The following ARHGAP15 variants were observed in gnomAD, a reference collection of about 807,000 sequenced individuals.
The protein encoded by ARHGAP15 is Rho GTPase activating protein 15.
Under a neutral mutation model 63.7 loss-of-function variants are expected in ARHGAP15, and 51 were observed. That is an observed-to-expected ratio of 0.80 (90% CI 0.64 to 1.01). The LOEUF (loss-of-function observed/expected upper bound fraction) is 1.01, where lower values mean the gene tolerates loss of function less well. Among genes scored for constraint, ARHGAP15 ranks in the 50% least tolerant of loss-of-function variants. The probability of loss-of-function intolerance (pLI) is 0.00; values close to 1 mark genes in which losing one functional copy is unlikely to be tolerated. For synonymous variants in ARHGAP15, 191 were observed against 193.8 expected (o/e 0.99, Z 0.12); for missense variants, 560 against 564.6 (o/e 0.99, Z 0.08).
intron 6 of ARHGAP15, among the ~76,000 whole-genome samples, chr2:143,296,105 C>G (rs1205039766): frequency 6.6e-6 from 1 of 152,022 alleles, no homozygotes; most frequent in Non-Finnish European, 1.5e-5. Flanking sequence ...CATCCCTGCT[C>G]TCTCATGCAG....
At chr2:143,471,349 G>A (rs1260661677) in intron 8 of ARHGAP15, among the ~76,000 whole-genome samples, 8 of 150,924 alleles carry the variant, frequency 5.3e-5, no homozygotes, top group Non-Finnish European at 1.5e-5. Flanking sequence ...GATTATCTGG[G>A]ACCAGAGTCT....
chr2:143,661,740 G>A (rs572908949), intron 12 of ARHGAP15, among the ~76,000 whole-genome samples: 1 of 152,332 alleles, frequency 6.6e-6, no homozygotes, highest in South Asian at 2.1e-4. Flanking sequence ...GCCGAAGCAG[G>A]GTGAGGCATT....
At chr2:143,320,180 T>C (rs1215057037) in intron 6 of ARHGAP15, among the ~76,000 whole-genome samples, 3 of 152,168 alleles carry the variant, frequency 2.0e-5, no homozygotes, top group Admixed American at 6.5e-5. Flanking sequence ...ATAAACTACA[T>C]GACCTGATTA....
At chr2:143,467,242 C>CTTTTTTTTTTTTTTTTTTTTTTTTTCT (rs202115707) in intron 8 of ARHGAP15, among the ~76,000 whole-genome samples, 1 of 57,894 alleles carries the variant, frequency 1.7e-5, no homozygotes, top group Non-Finnish European at 3.0e-5. Context: ...ACTCCATGGC[C>CTTTTTTTTTTTTTTTTTTTTTTTTTCT]TTTTTTTTTT....
intron 12 of ARHGAP15, 39 bp downstream of exon 12, chr2:143,624,306 C>T (rs760039824): frequency 1.3e-6 from 2 of 1,574,408 alleles, no homozygotes; most frequent in Non-Finnish European, 1.7e-6. Flanking sequence ...GTAGAATAAC[C>T]TGACATCCTG....
chr2:143,173,377 C>T (rs900228061), intron 2 of ARHGAP15, among the ~76,000 whole-genome samples: 13 of 151,706 alleles, frequency 8.6e-5, no homozygotes, highest in Non-Finnish European at 1.8e-4. Context: ...AATGTTTTTT[C>T]GTCTCCTATA....
intron 6 of ARHGAP15, among the ~76,000 whole-genome samples, chr2:143,331,750 A>AG (rs1684558710): frequency 1.3e-5 from 2 of 152,166 alleles, no homozygotes; most frequent in African/African-American, 4.8e-5. Flanking sequence ...TTTTCTTCTG[A>AG]GGTAAAGAGA....
intron 6 of ARHGAP15, among the ~76,000 whole-genome samples, chr2:143,348,311 C>G (rs1360360620): frequency 1.3e-5 from 2 of 152,094 alleles, no homozygotes; most frequent in Non-Finnish European, 2.9e-5. Flanking sequence ...TAAATTCTGA[C>G]AGTCATCAAA....
chr2:143,550,738 C>T (rs1017812907), intron 10 of ARHGAP15, among the ~76,000 whole-genome samples: 2 of 152,168 alleles, frequency 1.3e-5, no homozygotes, highest in Admixed American at 1.3e-4. Context: ...CTTTTGGGAG[C>T]TCTCCTTTGT....
At chr2:143,382,960 T>C (rs1558934548) in intron 6 of ARHGAP15, among the ~76,000 whole-genome samples, 1 of 152,134 alleles carries the variant, frequency 6.6e-6, no homozygotes, top group Non-Finnish European at 1.5e-5. Flanking sequence ...CATCCTGACT[T>C]GAGAAAAGAA....
At chr2:143,598,190 A>C (rs761710501) in intron 11 of ARHGAP15, among the ~76,000 whole-genome samples, 2 of 152,172 alleles carry the variant, frequency 1.3e-5, no homozygotes, top group African/African-American at 4.8e-5. Context: ...TCTGAAATGC[A>C]TGAAGTTAAG....
intron 11 of ARHGAP15, among the ~76,000 whole-genome samples, chr2:143,602,689 A>G (rs995000827): frequency 5.9e-5 from 9 of 152,170 alleles, no homozygotes; most frequent in African/African-American, 2.2e-4. Flanking sequence ...GAGATTCTCC[A>G]GAGACACACT....
intron 10 of ARHGAP15, chr2:143,533,362 A>AG (rs1694605479): frequency 6.6e-6 from 1 of 152,164 alleles, no homozygotes; most frequent in Non-Finnish European, 1.5e-5. Flanking sequence ...GAAGGAGAAC[A>AG]GTGCATTCGC....
chr2:143,142,347 T>G (rs1689403272), intron 1 of ARHGAP15, among the ~76,000 whole-genome samples: 1 of 152,122 alleles, frequency 6.6e-6, no homozygotes, highest in African/African-American at 2.4e-5. Context: ...ACTGGAGCAT[T>G]AGATTATTCT....
chr2:143,750,753 G>T (rs1686341433), intron 13 of ARHGAP15, among the ~76,000 whole-genome samples: 1 of 152,138 alleles, frequency 6.6e-6, no homozygotes, highest in Non-Finnish European at 1.5e-5. Context: ...TATGTGGATG[G>T]GTCCCAGAGG....
chr2:143,691,573 T>A (rs1574846751), intron 12 of ARHGAP15, among the ~76,000 whole-genome samples: 1 of 152,138 alleles, frequency 6.6e-6, no homozygotes, highest in African/African-American at 2.4e-5. Flanking sequence ...GCACCTGGAG[T>A]TTGATACATG....
At chr2:143,612,658 C>T (rs903890623) in intron 11 of ARHGAP15, among the ~76,000 whole-genome samples, 1 of 152,212 alleles carries the variant, frequency 6.6e-6, no homozygotes, top group African/African-American at 2.4e-5. Flanking sequence ...AGGGACAGGG[C>T]AGACCTGGGC....
intron 12 of ARHGAP15, among the ~76,000 whole-genome samples, chr2:143,690,804 A>C (rs1434907947): frequency 1.3e-5 from 2 of 152,188 alleles, no homozygotes; most frequent in East Asian, 3.9e-4. Flanking sequence ...CAGATGCTCA[A>C]GTCAGCCTTT....
chr2:143,224,449 G>A (rs17812739), intron 4 of ARHGAP15, among the ~76,000 whole-genome samples: 3,152 of 152,180 alleles, frequency 0.021, 53 homozygotes, highest in Non-Finnish European at 0.031. Context: ...CCCAGTACTG[G>A]AAATGCTCTT....
Sources: allele counts gnomAD v4.1 joint callset (sites outside exome capture counted in the v4.1 genomes callset), GRCh38; gene constraint gnomAD v4.1.1; transcripts MANE v1.5; gene names NCBI Gene and HGNC (gene_info 2026-07-23, HGNC 2026-07-21).